Variants in PDXDC1 observed in about 807,000 individuals in gnomAD.
PDXDC1 encodes pyridoxal dependent decarboxylase domain containing 1, also known as pyridoxal-dependent decarboxylase domain-containing protein 1.
A neutral mutation model predicts 100.1 loss-of-function variants in PDXDC1; 42 were observed. That is an observed-to-expected ratio of 0.42 (90% confidence interval 0.33 to 0.54). The LOEUF (loss-of-function observed/expected upper bound fraction) is 0.54, where lower values mean the gene tolerates loss of function less well. PDXDC1 is among the 20% of genes least tolerant of loss of function. The pLI is 0.10. For synonymous variants in PDXDC1, 260 were observed against 371.7 expected, an observed-to-expected ratio of 0.70 and a Z score of 3.46; for missense variants, 636 against 979.2, an observed-to-expected ratio of 0.65 and a Z score of 4.68.
intron 1 of PDXDC1, among the ~76,000 whole-genome samples, chr16:14,982,965 G>A (rs1968340771): frequency 6.6e-6 from 1 of 152,280 alleles, no homozygotes; most frequent in South Asian, 2.1e-4. Context: ...CAGCTGTCTG[G>A]AGCTTTACCT....
intron 16 of PDXDC1, among the ~76,000 whole-genome samples, chr16:15,122,838 G>GAGGGGA (rs1769080836): frequency 1.7e-5 from 2 of 118,012 alleles, no homozygotes; most frequent in African/African-American, 6.4e-5. Flanking sequence ...AGGGGAAGGG[G>GAGGGGA]AGGGGAAGGG....
At chr16:15,114,926 AATT>A (rs1278965688) in intron 16 of PDXDC1, among the ~76,000 whole-genome samples, 36 of 94,858 alleles carry the variant, frequency 3.8e-4, no homozygotes, top group East Asian at 5.7e-4. Flanking sequence ...AAAAAAAAAA[AATT>A]TTTTTTTTTT....
intron 19 of PDXDC1, 24 bp from the exon 20 acceptor site, chr16:15,034,262 A>T (rs757913653): frequency 5.6e-6 from 9 of 1,608,366 alleles, no homozygotes; most frequent in Non-Finnish European, 7.7e-6. Flanking sequence ...TAAACAAGTA[A>T]TGTCTTTCTT....
At chr16:15,028,571 T>A (rs1347781173) in intron 14 of PDXDC1, among the ~76,000 whole-genome samples, 2 of 152,304 alleles carry the variant, frequency 1.3e-5, no homozygotes, top group Admixed American at 1.3e-4. Flanking sequence ...CTCACAGACC[T>A]CGCACGGTGC....
intron 16 of PDXDC1, chr16:15,085,696 G>C (rs756505606): frequency 1.2e-6 from 2 of 1,612,936 alleles, no homozygotes; most frequent in Non-Finnish European, 1.7e-6. Context: ...ATGATCACTC[G>C]GGCTTTTGAG....
chr16:15,146,738 G>A, the PDXDC1 span, among the ~76,000 whole-genome samples: 2 of 152,108 alleles, frequency 1.3e-5, no homozygotes, highest in South Asian at 4.1e-4. Context: ...CTCTGTGGCA[G>A]GGCAGGTCTC....
At chr16:15,066,558 C>G (rs1018783328) in intron 16 of PDXDC1, among the ~76,000 whole-genome samples, 2 of 151,332 alleles carry the variant, frequency 1.3e-5, no homozygotes, top group African/African-American at 2.4e-5. Flanking sequence ...GCATGAGCCT[C>G]GGAGGTGGTG....
At chr16:15,044,647 T>G in intron 16 of PDXDC1, 1 of 559,860 alleles carries the variant, frequency 1.8e-6, no homozygotes. Context: ...AACACAAATG[T>G]GATGCCGCCT....
At chr16:15,052,129 A>G (rs2044317061) in intron 16 of PDXDC1, among the ~76,000 whole-genome samples, 1 of 152,118 alleles carries the variant, frequency 6.6e-6, no homozygotes, top group Non-Finnish European at 1.5e-5. Context: ...GACAGTAAAT[A>G]TTTGGGGTTC....
intron 16 of PDXDC1, among the ~76,000 whole-genome samples, chr16:15,122,911 T>TGGA (rs1297838771): frequency 1.6e-5 from 2 of 127,702 alleles, no homozygotes; most frequent in Admixed American, 8.1e-5. Flanking sequence ...CTGGAGGAGG[T>TGGA]GGAGGAGGAG....
intron 16 of PDXDC1, chr16:15,133,673 G>A (rs938521063): frequency 2.0e-5 from 32 of 1,581,498 alleles, no homozygotes; most frequent in African/African-American, 4.0e-5. Flanking sequence ...GTACACCAGC[G>A]GGGCGCCAGC....
At position 14,988,681 on chromosome 16, in the gene PDXDC1, G is replaced by A. The variant is rs1398349612; in HGVS notation, c.22-9072G>A. On this transcript the variant is annotated intron_variant, in intron 1 of 22. Coordinates refer to ENST00000396410, the MANE Select transcript of PDXDC1 (RefSeq NM_015027.4). ...CCCTCGGCATCCGCCAGCACGGCCA[G>A]GTTGATATGGTCGTTCTTGTAGCGG... 3 of 1,613,622 alleles carry A rather than the reference G, an allele frequency of 1.9e-6. No homozygotes were observed. In the East Asian group the frequency reaches 6.7e-5, roughly 36 times the overall value.
chr16:15,040,845 C>A (rs1302833635), downstream of PDXDC1, among the ~76,000 whole-genome samples: 2 of 152,158 alleles, frequency 1.3e-5, no homozygotes, highest in African/African-American at 4.8e-5. Context: ...TACCACGTTG[C>A]TTCTTCAAAG....
intron 1 of PDXDC1, among the ~76,000 whole-genome samples, chr16:14,987,113 CT>C (rs1417175207): frequency 6.6e-6 from 1 of 152,278 alleles, no homozygotes. Context: ...AAAAAATGCC[CT>C]GATCTGGATG....
chr16:14,978,544 C>A (rs535983042), intron 1 of PDXDC1, among the ~76,000 whole-genome samples: 3 of 152,394 alleles, frequency 2.0e-5, no homozygotes, highest in African/African-American at 7.2e-5. Flanking sequence ...CACTCACCCC[C>A]ACACTGAGCT....
chr16:15,036,381 G>T lies in PDXDC1; in HGVS notation c.*106G>T, dbSNP rs1192216992. On this transcript the variant is annotated 3_prime_UTR_variant, in exon 23 of 23. Transcript: ENST00000396410. ...ATACTAATATAAATTACTGTTGTTT[G>T]TGCTTCACTGGGATTTTGGCACAAA... The T allele has an allele frequency of 4.3e-6, 5 of 1,155,970 alleles. No individual in the cohort carries two copies. Among genetic ancestry groups the T allele is most frequent in the African/African-American group, 1.5e-5 (1 of 64,818 alleles). The allele number at this position is 1,155,970 out of a possible 1,614,324, so 71.6% of individuals were successfully genotyped here. A position where few individuals can be genotyped will look rare whatever the true frequency, so the allele number is the denominator to read the frequency against.
chr16:15,013,117 G>A (rs1297539647), intron 8 of PDXDC1, among the ~76,000 whole-genome samples: 1 of 152,066 alleles, frequency 6.6e-6, no homozygotes, highest in East Asian at 1.9e-4. Context: ...TTGCAGTGAG[G>A]TGAGATCGCA....
At chr16:15,000,741 C>G (rs1367526083) in intron 3 of PDXDC1, among the ~76,000 whole-genome samples, 2 of 152,194 alleles carry the variant, frequency 1.3e-5, no homozygotes, top group Admixed American at 1.3e-4. Context: ...AGGTTCCCAG[C>G]TTGGGGAAGA....
At chr16:14,992,833 A>G (rs1351147032) in intron 1 of PDXDC1, among the ~76,000 whole-genome samples, 1 of 151,210 alleles carries the variant, frequency 6.6e-6, no homozygotes, top group African/African-American at 2.4e-5. Context: ...CCAGAATCAG[A>G]CGTTTTTATG....
Sources: allele counts gnomAD v4.1 joint callset (sites outside exome capture counted in the v4.1 genomes callset), GRCh38; gene constraint gnomAD v4.1.1; transcripts MANE v1.5; gene names NCBI Gene and HGNC (gene_info 2026-07-23, HGNC 2026-07-21).